Variants in IL1RAPL1 observed in about 807,000 individuals in gnomAD.
The protein encoded by IL1RAPL1 is interleukin-1 receptor accessory protein-like 1.
In IL1RAPL1, 3 loss-of-function variants were observed where a neutral mutation model predicts 48.4. The ratio of observed to expected loss-of-function variants is 0.06; its 90% CI spans 0.03 to 0.16. The LOEUF (loss-of-function observed/expected upper bound fraction) is 0.16, where lower values mean the gene tolerates loss of function less well. Ranked by LOEUF, IL1RAPL1 falls within the 10% of genes least tolerant of loss-of-function variation. IL1RAPL1 has a pLI of 1.00. For missense variants in IL1RAPL1, 349 were observed against 530.6 expected, an observed-to-expected ratio of 0.66 and a Z score of 3.36; for synonymous variants, 185 against 187.7, an observed-to-expected ratio of 0.99 and a Z score of 0.12.
At chrX:29,808,610 T>G (rs1185770163) in intron 6 of IL1RAPL1, among the ~76,000 whole-genome samples, 3 of 111,829 alleles carry the variant, frequency 2.7e-5, no homozygotes, top group African/African-American at 9.7e-5. Flanking sequence ...GCCTGTTTTA[T>G]CTATCAGTTT....
At chrX:29,765,900 A>G (rs772613246) in intron 6 of IL1RAPL1, among the ~76,000 whole-genome samples, 7 of 111,261 alleles carry the variant, frequency 6.3e-5, no homozygotes, top group Admixed American at 1.9e-4. Flanking sequence ...CTCATACTAC[A>G]TATTGAGTAC....
intron 6 of IL1RAPL1, among the ~76,000 whole-genome samples, chrX:29,759,583 G>A (rs1034989992): frequency 1.8e-5 from 2 of 111,606 alleles, no homozygotes; most frequent in Non-Finnish European, 3.8e-5. Context: ...AAAAGTTATG[G>A]CAGAAATAAT....
intron 5 of IL1RAPL1, among the ~76,000 whole-genome samples, chrX:29,527,620 T>C (rs1935568525): frequency 9.0e-6 from 1 of 110,582 alleles, no homozygotes; most frequent in Admixed American, 9.7e-5. Flanking sequence ...CCGCTGTGCC[T>C]GGCTGGGAAG....
At chrX:29,561,374 A>G (rs1238152707) in intron 5 of IL1RAPL1, among the ~76,000 whole-genome samples, 1 of 112,128 alleles carries the variant, frequency 8.9e-6, no homozygotes, top group Non-Finnish European at 1.9e-5. Context: ...GCATCTTTTG[A>G]TGTTCATGGG....
intron 6 of IL1RAPL1, among the ~76,000 whole-genome samples, chrX:29,828,204 G>C (rs1930785061): frequency 8.9e-6 from 1 of 111,861 alleles, no homozygotes. Context: ...ACAGTACTTG[G>C]GGGATGGGAA....
intron 6 of IL1RAPL1, among the ~76,000 whole-genome samples, chrX:29,856,724 T>C (rs949404918): frequency 1.8e-5 from 2 of 112,043 alleles, no homozygotes; most frequent in African/African-American, 3.2e-5. Context: ...TAAAGGGTTA[T>C]AAATTGTATA....
intron 5 of IL1RAPL1, among the ~76,000 whole-genome samples, chrX:29,515,472 C>G (rs1039355164): frequency 4.5e-5 from 5 of 112,035 alleles, no homozygotes; most frequent in African/African-American, 1.6e-4. Flanking sequence ...TATTATTGTG[C>G]CAAGTCAAGA....
intron 5 of IL1RAPL1, among the ~76,000 whole-genome samples, chrX:29,477,795 C>T (rs1254746239): frequency 1.8e-5 from 2 of 111,700 alleles, no homozygotes; most frequent in African/African-American, 3.3e-5. Context: ...GTTCCTATGC[C>T]ATGTTGCTCA....
In IL1RAPL1 at chrX:29,476,872, C is replaced by CTTTTTTTTTTT. The variant is rs1198120274; in HGVS notation, c.703+77573_703+77583dup. Among the ~76,000 whole-genome samples, 89 of 53,891 alleles carry CTTTTTTTTTTT rather than the reference C, an allele frequency of 1.7e-3. 29 individuals are homozygous for CTTTTTTTTTTT. The highest frequency in any genetic ancestry group is 0.011 in the African/African-American group (80 of 7,321). The allele number at this position is 53,891 out of a possible 115,157, so 46.8% of individuals were successfully genotyped here. On this transcript the variant is annotated intron_variant, in intron 5 of 10. Coordinates refer to ENST00000378993, the MANE Select transcript of IL1RAPL1 (RefSeq NM_014271.4). The stretch of plus-strand genomic sequence containing the variant: ...GACTCATTTACTTTTTACCCATATT[C>CTTTTTTTTTTT]TTTTTTTTTTTTTTTTTTTGAGACG...
At chrX:29,414,588 G>GTGCA (rs1254556460) in intron 5 of IL1RAPL1, among the ~76,000 whole-genome samples, 2 of 111,109 alleles carry the variant, frequency 1.8e-5, no homozygotes, top group African/African-American at 6.6e-5. Flanking sequence ...GGGCATGGTG[G>GTGCA]TGCATGTCTG....
intron 1 of IL1RAPL1, among the ~76,000 whole-genome samples, chrX:28,630,349 G>C (rs1443876497): frequency 9.0e-6 from 1 of 111,488 alleles, no homozygotes; most frequent in Non-Finnish European, 1.9e-5. Flanking sequence ...AATCCAATCA[G>C]GACACTTCTG....
At chrX:29,954,314 CACA>C (rs1030683436) in intron 9 of IL1RAPL1, among the ~76,000 whole-genome samples, 1 of 99,108 alleles carries the variant, frequency 1.0e-5, no homozygotes, top group African/African-American at 3.7e-5. Flanking sequence ...CTACTTTTTT[CACA>C]ACAACAAATC....
intron 5 of IL1RAPL1, among the ~76,000 whole-genome samples, chrX:29,406,245 C>T (rs558779403): frequency 4.5e-5 from 5 of 110,300 alleles, no homozygotes; most frequent in East Asian, 2.8e-4. Flanking sequence ...AAAAATTAGC[C>T]GGGCGTGGTG....
intron 2 of IL1RAPL1, among the ~76,000 whole-genome samples, chrX:29,047,552 A>C (rs1007160759): frequency 8.9e-6 from 1 of 111,920 alleles, no homozygotes; most frequent in Non-Finnish European, 1.9e-5. Context: ...AATGGCAAAG[A>C]CATCTGTTGC....
intron 1 of IL1RAPL1, among the ~76,000 whole-genome samples, chrX:28,720,280 T>G (rs1232246588): frequency 9.0e-6 from 1 of 111,418 alleles, no homozygotes; most frequent in Non-Finnish European, 1.9e-5. Flanking sequence ...ACCAACTTGC[T>G]CACACATGCT....
intron 2 of IL1RAPL1, among the ~76,000 whole-genome samples, chrX:29,070,035 A>G (rs1433035313): frequency 8.9e-6 from 1 of 112,118 alleles, no homozygotes; most frequent in Non-Finnish European, 1.9e-5. Flanking sequence ...TTTGGATTGC[A>G]CGGGATGTGA....
intron 2 of IL1RAPL1, among the ~76,000 whole-genome samples, chrX:28,965,199 C>T (rs1033232923): frequency 3.6e-5 from 4 of 111,716 alleles, no homozygotes; most frequent in African/African-American, 1.3e-4. Context: ...CTCTTTTAAA[C>T]ATCCCATATA....
chrX:29,800,875 C>T (rs1450267722), intron 6 of IL1RAPL1, among the ~76,000 whole-genome samples: 7 of 98,732 alleles, frequency 7.1e-5, no homozygotes, highest in Admixed American at 1.1e-4. Context: ...TGGTGCATGC[C>T]TGTAATCCCA....
intron 2 of IL1RAPL1, among the ~76,000 whole-genome samples, chrX:29,085,550 A>G (rs1927934802): frequency 8.9e-6 from 1 of 112,262 alleles, no homozygotes; most frequent in Admixed American, 9.5e-5. Context: ...CTTGCCCAAG[A>G]TCACATAGTA....
Sources: allele counts gnomAD v4.1 joint callset (sites outside exome capture counted in the v4.1 genomes callset), GRCh38; gene constraint gnomAD v4.1.1; transcripts MANE v1.5; gene names NCBI Gene and HGNC (gene_info 2026-07-23, HGNC 2026-07-21).